KIF6: variants seen among roughly 807,000 people sequenced by gnomAD.
KIF6 encodes kinesin-like protein KIF6.
A neutral mutation model predicts 112.7 loss-of-function variants in KIF6; 106 were observed. The observed-to-expected ratio is 0.94, with a 90% CI of 0.80 to 1.11. The LOEUF (loss-of-function observed/expected upper bound fraction) is 1.11. Among genes scored for constraint, KIF6 ranks in the 50% least tolerant of loss-of-function variants. The pLI, the probability that KIF6 is intolerant of heterozygous loss-of-function variation, is 0.00. For missense variants in KIF6, 929 were observed against 964.0 expected (o/e 0.96, Z 0.48); for synonymous variants, 339 against 339.9 (o/e 1.00, Z 0.03).
intron 16 of KIF6, among the ~76,000 whole-genome samples, chr6:39,370,717 G>T (rs1431528009): frequency 6.6e-6 from 1 of 152,136 alleles, no homozygotes; most frequent in Non-Finnish European, 1.5e-5. Context: ...TCCCTCCTTG[G>T]GGGTGGTGTG....
At chr6:39,551,169 A>C (rs1779358503) in intron 10 of KIF6, among the ~76,000 whole-genome samples, 1 of 152,092 alleles carries the variant, frequency 6.6e-6, no homozygotes, top group Non-Finnish European at 1.5e-5. Flanking sequence ...GAAACTCCAT[A>C]CTGAAATCCT....
chr6:39,440,093 G>C (rs1461727157), intron 13 of KIF6, among the ~76,000 whole-genome samples: 2 of 152,096 alleles, frequency 1.3e-5, no homozygotes, highest in Non-Finnish European at 2.9e-5. Context: ...AAGAAGAGAG[G>C]GATGAGAAGA....
At chr6:39,583,243 A>C (rs573450231) in intron 9 of KIF6, 46 of 259,204 alleles carry the variant, frequency 1.8e-4, no homozygotes, top group Non-Finnish European at 3.5e-4. Flanking sequence ...TAACTTTGTT[A>C]ACTCTCTTTC....
intron 13 of KIF6, among the ~76,000 whole-genome samples, chr6:39,433,609 T>G (rs543580688): frequency 7.2e-4 from 110 of 152,214 alleles, no homozygotes; most frequent in Non-Finnish European, 6.0e-4. Context: ...TTGATTGTGG[T>G]GACCACAGGT....
At chr6:39,346,111 C>T (rs1763751279) in intron 20 of KIF6, among the ~76,000 whole-genome samples, 2 of 56,978 alleles carry the variant, frequency 3.5e-5, no homozygotes, top group Non-Finnish European at 6.0e-5. Flanking sequence ...CCCCCCCTCC[C>T]TCTCCCTCTC....
rs141201970 is a variant in KIF6 at position 39,499,595 on chromosome 6, A to T, written c.1645+40408T>A. Among the ~76,000 whole-genome samples the T allele has an allele frequency of 2.6e-3, 393 of 151,212 alleles. 2 individuals are homozygous for T. The highest frequency in any genetic ancestry group is 8.6e-3 in the African/African-American group (354 of 41,144). ...CTGTAAGTAGTTCCTTCCTTAAAAA[A>T]CCTCTTCAAAAATCCCAGCTGAGCA... On this transcript the variant is annotated intron_variant, in intron 13 of 22. Transcript: ENST00000287152.
chr6:39,619,837 G>A (rs564009877), intron 5 of KIF6, among the ~76,000 whole-genome samples: 3 of 152,240 alleles, frequency 2.0e-5, no homozygotes, highest in African/African-American at 7.2e-5. Context: ...GAAACATTAT[G>A]TTATTTCCAT....
chr6:39,486,324 A>G (rs1775111550), intron 13 of KIF6, among the ~76,000 whole-genome samples: 1 of 152,120 alleles, frequency 6.6e-6, no homozygotes, highest in Non-Finnish European at 1.5e-5. Flanking sequence ...CTCCACAGAG[A>G]GACAGAGGGA....
At chr6:39,679,522 T>C (rs1582433610) in intron 3 of KIF6, among the ~76,000 whole-genome samples, 1 of 152,126 alleles carries the variant, frequency 6.6e-6, no homozygotes, top group African/African-American at 2.4e-5. Context: ...TCTCTCTCCA[T>C]GGAATGCTAT....
chr6:39,645,460 G>C (rs1023102259), intron 3 of KIF6, among the ~76,000 whole-genome samples: 2 of 152,156 alleles, frequency 1.3e-5, no homozygotes, highest in African/African-American at 4.8e-5. Flanking sequence ...CGGATGCAAA[G>C]GCTTTAAGAA....
chr6:39,676,884 T>C (rs1483441379), intron 3 of KIF6, among the ~76,000 whole-genome samples: 1 of 151,954 alleles, frequency 6.6e-6, no homozygotes, highest in Non-Finnish European at 1.5e-5. Context: ...GTAAATATGA[T>C]AGAAATGATT....
At chr6:39,652,919 A>C (rs967820857) in intron 3 of KIF6, among the ~76,000 whole-genome samples, 2 of 152,222 alleles carry the variant, frequency 1.3e-5, no homozygotes, top group African/African-American at 4.8e-5. Context: ...TTGGTAGAAT[A>C]ATATCCAGTT....
At chr6:39,452,538 C>T (rs1772772751) in intron 13 of KIF6, among the ~76,000 whole-genome samples, 1 of 152,208 alleles carries the variant, frequency 6.6e-6, no homozygotes, top group African/African-American at 2.4e-5. Context: ...CCTCTTGTTA[C>T]AAACAGTTAG....
At chr6:39,598,778 T>C (rs1416110535) in intron 6 of KIF6, among the ~76,000 whole-genome samples, 1 of 152,108 alleles carries the variant, frequency 6.6e-6, no homozygotes, top group Non-Finnish European at 1.5e-5. Flanking sequence ...ATTACAGAGA[T>C]GTTAAAATAA....
chr6:39,525,680 G>A (rs1777677318), intron 13 of KIF6, among the ~76,000 whole-genome samples: 1 of 152,098 alleles, frequency 6.6e-6, no homozygotes, highest in Non-Finnish European at 1.5e-5. Flanking sequence ...CTTGAACCCA[G>A]GAGGCGGAAG....
At chr6:39,665,482 T>C (rs1786412404) in intron 3 of KIF6, among the ~76,000 whole-genome samples, 1 of 152,152 alleles carries the variant, frequency 6.6e-6, no homozygotes, top group Admixed American at 6.5e-5. Flanking sequence ...TTGGAAATGA[T>C]GTGAAGATGA....
At position 39,578,174 on chromosome 6, in the gene KIF6, G is replaced by A; in HGVS notation, c.1078-15C>T. 3 of 1,546,588 alleles carry A rather than the reference G, an allele frequency of 1.9e-6. No individual in the cohort carries two copies. Among genetic ancestry groups the A allele is most frequent in the East Asian group, 2.2e-5 (1 of 44,570 alleles). On this transcript the variant is annotated splice_polypyrimidine_tract_variant and intron_variant, in intron 9 of 22. Transcript: ENST00000287152. ...CGTTTAATCACCTACAAATGGCAAA[G>A]AGGCAGAGAAAATGTCAACTTCTCA...
Position 39,418,608 on chromosome 6 carries a change from T to C in KIF6, c.1810+1340A>G, listed in dbSNP as rs115211422. Among the ~76,000 whole-genome samples the C allele has an allele frequency of 6.8e-3, 1,034 of 152,222 alleles. 11 individuals carry two copies. The highest frequency in any genetic ancestry group is 0.023 in the African/African-American group (974 of 41,510). Reference sequence around the variant, plus strand: ...CATTGAGGTGGTGCTAAGTTTCAGTTAGAGGTTAGTAGAAATACAGGGGCA... The same window carrying C: ...CATTGAGGTGGTGCTAAGTTTCAGTCAGAGGTTAGTAGAAATACAGGGGCA... On this transcript the variant is annotated intron_variant, in intron 15 of 22. Coordinates refer to ENST00000287152, the MANE Select transcript of KIF6 (RefSeq NM_145027.6).
chr6:39,593,246 G>T (rs1782049709), intron 7 of KIF6, among the ~76,000 whole-genome samples: 1 of 152,136 alleles, frequency 6.6e-6, no homozygotes, highest in Non-Finnish European at 1.5e-5. Context: ...TACACTTCCA[G>T]TCTCATTAGT....
Sources: allele counts gnomAD v4.1 joint callset (sites outside exome capture counted in the v4.1 genomes callset), GRCh38; gene constraint gnomAD v4.1.1; transcripts MANE v1.5; gene names NCBI Gene and HGNC (gene_info 2026-07-23, HGNC 2026-07-21).